Variants in EYA2 observed in about 807,000 individuals in gnomAD.
EYA2 encodes EYA transcriptional coactivator and phosphatase 2.
EYA2 carries 31 observed loss-of-function variants against 69.2 expected under a neutral mutation model. The ratio of observed to expected loss-of-function variants is 0.45; its 90% CI spans 0.34 to 0.60. The LOEUF is 0.60. Among genes scored for constraint, EYA2 ranks in the 20% least tolerant of loss-of-function variants. The pLI, the probability that EYA2 is intolerant of heterozygous loss-of-function variation, is 0.02. For synonymous variants in EYA2, 257 were observed against 279.4 expected (o/e 0.92, Z 0.80); for missense variants, 622 against 701.2 (o/e 0.89, Z 1.28).
intron 7 of EYA2, among the ~76,000 whole-genome samples, chr20:47,077,431 C>T (rs1317784259): frequency 2.0e-5 from 3 of 152,164 alleles, no homozygotes; most frequent in Non-Finnish European, 2.9e-5. Context: ...GAGTTTCGTT[C>T]CTTTGTCTTC....
At chr20:47,108,343 T>C (rs1244747352) in intron 9 of EYA2, among the ~76,000 whole-genome samples, 1 of 152,058 alleles carries the variant, frequency 6.6e-6, no homozygotes, top group Non-Finnish European at 1.5e-5. Context: ...TTCCTCTCTC[T>C]CCACATGTGA....
chr20:47,022,460 C>G lies in EYA2; in HGVS notation c.415+6163C>G, dbSNP rs544111343. On this transcript the variant is annotated intron_variant, in intron 5 of 15. Transcript: ENST00000327619. Reference sequence around the variant, plus strand: ...TCCCAAGTAGCTGGGATTACAGGCGCCTGCCACCACACCTGGCTAATTTTT... The same window carrying G: ...TCCCAAGTAGCTGGGATTACAGGCGGCTGCCACCACACCTGGCTAATTTTT... 4.3e-3 allele frequency among the ~76,000 whole-genome samples: 654 copies of G among 151,970 alleles called. 5 individuals are homozygous for G. The highest frequency in any genetic ancestry group is 0.015 in the African/African-American group (633 of 41,460).
intron 1 of EYA2, among the ~76,000 whole-genome samples, chr20:46,977,615 T>G (rs1980541557): frequency 6.6e-6 from 1 of 152,198 alleles, no homozygotes; most frequent in African/African-American, 2.4e-5. Flanking sequence ...GTAAACAGCA[T>G]CGGTGATTCT....
intron 7 of EYA2, among the ~76,000 whole-genome samples, chr20:47,081,386 T>C (rs1337523255): frequency 6.6e-6 from 1 of 152,156 alleles, no homozygotes. Flanking sequence ...ATCCCCAATA[T>C]ATACATATAT....
chr20:47,057,005 G>A (rs1048131802), intron 5 of EYA2, among the ~76,000 whole-genome samples: 6 of 144,660 alleles, frequency 4.1e-5, no homozygotes, highest in African/African-American at 7.6e-5. Flanking sequence ...AAGATCACAC[G>A]TCTACACTCC....
At position 47,097,085 on chromosome 20, in the gene EYA2, C is replaced by T. The variant is rs748568745; in HGVS notation, c.805C>T (p.Arg269Cys). 34 of 1,607,562 alleles carry T rather than the reference C, an allele frequency of 2.1e-5. No individual in the cohort carries two copies. The highest frequency in any genetic ancestry group is 3.3e-5 in the South Asian group (3 of 89,968). The stretch of plus-strand genomic sequence containing the variant: ...ATTCTCTTCCTCTCTTTCATCACAG[C>T]GTGTGTTCGTGTGGGACTTGGATGA... ...PSPAGDNEIERVFVWDLDETI... is the reference protein window; with the variant it reads ...PSPAGDNEIECVFVWDLDETI... The change falls in exon 9 of 16, where the codon CGT becomes TGT. Residue 269 changes from arginine (R) to cysteine (C), a missense_variant and splice_region_variant. By Grantham distance (180) the Arg-to-Cys change is radical. Coordinates refer to ENST00000327619, the MANE Select transcript of EYA2 (RefSeq NM_005244.5).
At chr20:47,155,203 C>G (rs568022276) in intron 10 of EYA2, among the ~76,000 whole-genome samples, 1 of 152,042 alleles carries the variant, frequency 6.6e-6, no homozygotes, top group East Asian at 2.0e-4. Flanking sequence ...TATTAGATTC[C>G]TCTGCTGTGA....
At chr20:47,015,095 A>G (rs1167576919) in intron 4 of EYA2, among the ~76,000 whole-genome samples, 11 of 152,250 alleles carry the variant, frequency 7.2e-5, no homozygotes, top group Non-Finnish European at 1.0e-4. Flanking sequence ...ATAAGTTTGC[A>G]TATGCACAGA....
intron 9 of EYA2, among the ~76,000 whole-genome samples, chr20:47,132,651 T>C (rs538211397): frequency 2.0e-4 from 30 of 152,326 alleles, no homozygotes; most frequent in African/African-American, 7.2e-4. Flanking sequence ...TGGGTGATGC[T>C]CTCAACCACT....
intron 15 of EYA2, among the ~76,000 whole-genome samples, chr20:47,187,521 TC>T (rs757267780): frequency 9.8e-4 from 149 of 152,316 alleles, no homozygotes; most frequent in Non-Finnish European, 1.9e-3. Flanking sequence ...CAAGACCAGC[TC>T]TGTTTGTTCA....
chr20:47,063,392 CGTGT>C (rs35187186), intron 5 of EYA2, among the ~76,000 whole-genome samples: 18,588 of 143,158 alleles, frequency 0.13, 1,316 homozygotes, highest in South Asian at 0.22. Context: ...TGTGCGTGTG[CGTGT>C]GTGTGTGTGT....
intron 4 of EYA2, among the ~76,000 whole-genome samples, chr20:47,010,284 G>A (rs977281994): frequency 1.3e-5 from 2 of 152,204 alleles, no homozygotes; most frequent in Admixed American, 1.3e-4. Context: ...GGGCTGGCCA[G>A]TTGGGCCTGC....
intron 5 of EYA2, among the ~76,000 whole-genome samples, chr20:47,027,544 G>A (rs569372262): frequency 5.3e-5 from 8 of 152,278 alleles, no homozygotes; most frequent in South Asian, 4.1e-4. Flanking sequence ...AATTTAGAAC[G>A]TATAGAGTTT....
At chr20:47,102,359 G>A (rs2032447623) in intron 9 of EYA2, among the ~76,000 whole-genome samples, 1 of 152,180 alleles carries the variant, frequency 6.6e-6, no homozygotes, top group Non-Finnish European at 1.5e-5. Context: ...AGTGAGAGAG[G>A]GAGGATGGTC....
At chr20:46,952,835 C>T (rs1978886530) in intron 1 of EYA2, among the ~76,000 whole-genome samples, 1 of 152,218 alleles carries the variant, frequency 6.6e-6, no homozygotes, top group African/African-American at 2.4e-5. Context: ...CCTAAGGATG[C>T]TTTTATGTAA....
At chr20:46,985,057 A>G (rs1004618065) in intron 1 of EYA2, among the ~76,000 whole-genome samples, 29 of 152,230 alleles carry the variant, frequency 1.9e-4, no homozygotes, top group African/African-American at 6.3e-4. Context: ...CCACACATAA[A>G]ACAACATGGC....
chr20:46,963,801 G>A (rs1342574826), intron 1 of EYA2, among the ~76,000 whole-genome samples: 1 of 152,264 alleles, frequency 6.6e-6, no homozygotes, highest in East Asian at 1.9e-4. Flanking sequence ...AGGCGAACAA[G>A]CAGGAAAAGT....
chr20:47,041,636 C>A (rs767757952), intron 5 of EYA2, among the ~76,000 whole-genome samples: 25 of 152,134 alleles, frequency 1.6e-4, no homozygotes, highest in Non-Finnish European at 4.4e-5. Flanking sequence ...AAGCCACTGG[C>A]AAATTTCATT....
intron 5 of EYA2, among the ~76,000 whole-genome samples, chr20:47,022,823 TTTGTTTA>T (rs1983837885): frequency 6.7e-6 from 1 of 150,348 alleles, no homozygotes; most frequent in African/African-American, 2.4e-5. Context: ...CCCAGCTAAT[TTTGTTTA>T]TTTTTTGTAG....
Sources: gnomAD v4.1 joint callset for allele counts (sites outside exome capture counted in the v4.1 genomes callset) on GRCh38, gnomAD v4.1.1 for gene constraint, MANE v1.5 for transcripts, NCBI Gene and HGNC (gene_info 2026-07-23, HGNC 2026-07-21) for gene names.